The following SCHIP1 variants were observed in gnomAD, a reference collection of about 807,000 sequenced individuals.
SCHIP1 encodes the protein schwannomin-interacting protein 1.
In SCHIP1, 8 loss-of-function variants were observed where a neutral mutation model predicts 29.7. That is an observed-to-expected ratio of 0.27 (90% CI 0.16 to 0.49). The LOEUF (loss-of-function observed/expected upper bound fraction) is 0.49. Ranked by LOEUF, SCHIP1 falls within the 20% of genes least tolerant of loss-of-function variation. SCHIP1 has a pLI of 0.99. For missense variants in SCHIP1, 193 were observed against 294.6 expected (o/e 0.66, Z 2.52); for synonymous variants, 76 against 94.9 (o/e 0.80, Z 1.16).
the SCHIP1 span, among the ~76,000 whole-genome samples, chr3:159,565,453 G>T: frequency 6.6e-6 from 1 of 152,138 alleles, no homozygotes; most frequent in Non-Finnish European, 1.5e-5. Context: ...CTGGGGTTTT[G>T]GCGCATCTCC....
the SCHIP1 span, among the ~76,000 whole-genome samples, chr3:159,551,284 A>G: frequency 2.0e-5 from 3 of 152,202 alleles, no homozygotes; most frequent in Non-Finnish European, 4.4e-5. Context: ...TGCTTTGACG[A>G]GGTTTACTTT....
At chr3:159,329,169 C>T in the SCHIP1 span, among the ~76,000 whole-genome samples, 1 of 151,934 alleles carries the variant, frequency 6.6e-6, no homozygotes, top group South Asian at 2.1e-4. Flanking sequence ...ATGTCCACAC[C>T]CTACACACAC....
intron 2 of SCHIP1, among the ~76,000 whole-genome samples, chr3:159,879,774 A>C (rs1716248110): frequency 6.6e-6 from 1 of 152,186 alleles, no homozygotes; most frequent in Non-Finnish European, 1.5e-5. Context: ...AATTAGAACC[A>C]ACAGCCGTCT....
At chr3:159,275,169 T>C in the SCHIP1 span, 6 of 664,872 alleles carry the variant, frequency 9.0e-6, no homozygotes, top group East Asian at 1.4e-4. Context: ...ATTTCCATAA[T>C]TGATGTCAGT....
chr3:159,610,082 A>G, the SCHIP1 span, among the ~76,000 whole-genome samples: 1 of 152,212 alleles, frequency 6.6e-6, no homozygotes, highest in East Asian at 1.9e-4. Context: ...CATTTTACAG[A>G]TGAGGAATCC....
the SCHIP1 span, among the ~76,000 whole-genome samples, chr3:159,829,490 C>T: frequency 3.3e-5 from 5 of 152,148 alleles, no homozygotes; most frequent in African/African-American, 1.2e-4. Flanking sequence ...GAGAAAAGTC[C>T]TGTAAAGCTG....
the SCHIP1 span, among the ~76,000 whole-genome samples, chr3:159,295,416 G>A: frequency 4.3e-4 from 65 of 152,116 alleles, no homozygotes; most frequent in Admixed American, 3.4e-3. Flanking sequence ...GTGACAGAGC[G>A]AGACTCCATC....
chr3:159,756,911 T>A, the SCHIP1 span, among the ~76,000 whole-genome samples: 1 of 152,206 alleles, frequency 6.6e-6, no homozygotes, highest in Non-Finnish European at 1.5e-5. Flanking sequence ...AAGTTCCTCA[T>A]CTCCATCTGA....
chr3:159,374,698 A>T, the SCHIP1 span, among the ~76,000 whole-genome samples: 1 of 152,292 alleles, frequency 6.6e-6, no homozygotes, highest in South Asian at 2.1e-4. Context: ...TACTTAATAG[A>T]TGTATTAATA....
chr3:159,473,327 T>G, the SCHIP1 span, among the ~76,000 whole-genome samples: 10 of 152,154 alleles, frequency 6.6e-5, no homozygotes, highest in Admixed American at 1.3e-4. Flanking sequence ...AAAAAAAGCA[T>G]TGACTCTGTT....
At chr3:159,480,948 G>A in the SCHIP1 span, among the ~76,000 whole-genome samples, 1 of 152,114 alleles carries the variant, frequency 6.6e-6, no homozygotes, top group South Asian at 2.1e-4. Context: ...GGTAGGTAGT[G>A]GAAAATTACA....
the SCHIP1 span, among the ~76,000 whole-genome samples, chr3:159,468,773 A>AT: frequency 7.8e-6 from 1 of 127,806 alleles, no homozygotes; most frequent in African/African-American, 3.2e-5. Context: ...ATATATATAT[A>AT]TATATTTTTT....
At chr3:159,704,888 C>CTTTCTTTCTTTCTTTA in the SCHIP1 span, among the ~76,000 whole-genome samples, 1 of 76,992 alleles carries the variant, frequency 1.3e-5, no homozygotes, top group African/African-American at 1.1e-4. Flanking sequence ...TTCTTTCTTT[C>CTTTCTTTCTTTCTTTA]TTTCTTTCTT....
chr3:159,284,357 A>C, the SCHIP1 span, among the ~76,000 whole-genome samples: 1 of 152,118 alleles, frequency 6.6e-6, no homozygotes, highest in Non-Finnish European at 1.5e-5. Context: ...CTCCTTTATT[A>C]CTTTTAATAT....
At chr3:159,706,371 G>C in the SCHIP1 span, among the ~76,000 whole-genome samples, 2 of 152,146 alleles carry the variant, frequency 1.3e-5, no homozygotes, top group Non-Finnish European at 2.9e-5. Flanking sequence ...GGAAGAGAGA[G>C]GCACAGCACA....
At chr3:159,428,387 A>G in the SCHIP1 span, among the ~76,000 whole-genome samples, 1 of 151,848 alleles carries the variant, frequency 6.6e-6, no homozygotes, top group South Asian at 2.1e-4. Context: ...TGGGCAAAGG[A>G]CATGAACAGA....
chr3:159,832,144 G>T, the SCHIP1 span, among the ~76,000 whole-genome samples: 1 of 152,064 alleles, frequency 6.6e-6, no homozygotes, highest in African/African-American at 2.4e-5. Context: ...TGCCCTAGGG[G>T]TTTTAACCTG....
chr3:159,649,315 A>G, the SCHIP1 span, among the ~76,000 whole-genome samples: 2 of 152,280 alleles, frequency 1.3e-5, no homozygotes, highest in Admixed American at 6.5e-5. Flanking sequence ...AAGTGCTCAC[A>G]ATTTTATCAG....
the SCHIP1 span, among the ~76,000 whole-genome samples, chr3:159,346,260 C>T: frequency 6.8e-6 from 1 of 146,192 alleles, no homozygotes; most frequent in Admixed American, 6.8e-5. Flanking sequence ...GAATAAGCAC[C>T]CTTTCAGGTT....
Sources: allele counts gnomAD v4.1 joint callset (sites outside exome capture counted in the v4.1 genomes callset), GRCh38; gene constraint gnomAD v4.1.1; transcripts MANE v1.5; gene names NCBI Gene and HGNC (gene_info 2026-07-23, HGNC 2026-07-21).